The following PBX1 variants were observed in gnomAD, a reference collection of about 807,000 sequenced individuals.
The protein encoded by PBX1 is PBX homeobox 1, also known as pre-B-cell leukemia transcription factor 1.
Under a neutral mutation model 53.4 loss-of-function variants are expected in PBX1, and 6 were observed. That is an observed-to-expected ratio of 0.11 (90% CI 0.06 to 0.22). PBX1 has a LOEUF of 0.22. PBX1 is among the 10% of genes least tolerant of loss of function. The probability of loss-of-function intolerance (pLI) is 1.00; values close to 1 mark genes in which losing one functional copy is unlikely to be tolerated. For synonymous variants in PBX1, 204 were observed against 212.3 expected, an observed-to-expected ratio of 0.96 and a Z score of 0.34; for missense variants, 251 against 551.4, an observed-to-expected ratio of 0.46 and a Z score of 5.46.
intron 8 of PBX1, among the ~76,000 whole-genome samples, chr1:164,843,436 C>G (rs1032725892): frequency 6.6e-6 from 1 of 152,026 alleles, no homozygotes; most frequent in Admixed American, 6.6e-5. Context: ...GGGGTCTACT[C>G]GGATCTGAGA....
chr1:164,799,983 C>T lies in PBX1; in HGVS notation c.701+94C>T, dbSNP rs1172027303. The stretch of plus-strand genomic sequence containing the variant: ...CTGCCCCCTTCAGGCTCTAGTTTCA[C>T]CCCATCAACGCTGAACCAAGTGATA... On this transcript the variant is annotated intron_variant, in intron 4 of 8. Coordinates refer to ENST00000420696, the MANE Select transcript of PBX1 (RefSeq NM_002585.4). The T allele has an allele frequency of 1.1e-5, 13 of 1,195,142 alleles. No homozygotes were observed. In the South Asian group the frequency reaches 1.3e-4, roughly 12 times the overall value. 74.0% of individuals were successfully genotyped at this position (1,195,142 alleles called of 1,614,324 possible). A position where few individuals can be genotyped will look rare whatever the true frequency, so the allele number is the denominator to read the frequency against.
At chr1:164,698,875 C>G (rs1012090141) in intron 2 of PBX1, among the ~76,000 whole-genome samples, 1 of 152,202 alleles carries the variant, frequency 6.6e-6, no homozygotes, top group African/African-American at 2.4e-5. Flanking sequence ...CCACAACTGC[C>G]TCCATTTTAC....
intron 2 of PBX1, among the ~76,000 whole-genome samples, chr1:164,756,873 A>G (rs554461202): frequency 6.6e-6 from 1 of 152,350 alleles, no homozygotes; most frequent in African/African-American, 2.4e-5. Context: ...TACAATTCAA[A>G]CAGTTGTCAC....
intron 2 of PBX1, chr1:164,563,857 G>A (rs533989432): frequency 3.9e-5 from 6 of 152,388 alleles, no homozygotes; most frequent in Admixed American, 3.9e-4. Context: ...TTTTATTGCA[G>A]GGAGAATCGT....
chr1:164,634,725 C>G (rs1658632291), intron 2 of PBX1, among the ~76,000 whole-genome samples: 1 of 152,198 alleles, frequency 6.6e-6, no homozygotes, highest in Admixed American at 6.5e-5. Context: ...AAGGTCAGGA[C>G]TCCCTCGGAC....
intron 2 of PBX1, among the ~76,000 whole-genome samples, chr1:164,745,798 A>T (rs1665861505): frequency 6.6e-6 from 1 of 152,184 alleles, no homozygotes; most frequent in Admixed American, 6.6e-5. Context: ...AAGTCTCTTA[A>T]TTCTGCTGTG....
intron 2 of PBX1, among the ~76,000 whole-genome samples, chr1:164,617,535 G>T (rs1023956870): frequency 6.6e-6 from 1 of 152,206 alleles, no homozygotes; most frequent in Non-Finnish European, 1.5e-5. Context: ...TGCCAAGTAA[G>T]ATTGGGAGTT....
At chr1:164,798,763 A>T (rs1240145640) in intron 3 of PBX1, among the ~76,000 whole-genome samples, 3 of 152,200 alleles carry the variant, frequency 2.0e-5, no homozygotes, top group Admixed American at 2.0e-4. Context: ...CCTCTCAATC[A>T]TGTTTTGATG....
chr1:164,620,291 C>T lies in PBX1; in HGVS notation c.265+56980C>T, dbSNP rs188758354. On this transcript the variant is annotated intron_variant, in intron 2 of 8. Transcript: ENST00000420696. The stretch of plus-strand genomic sequence containing the variant: ...TATTTGAAGATCCAAAATAGCACAT[C>T]TGTTTTACTTATTCAAGCAGATTTC... Among the ~76,000 whole-genome samples, 167 of 152,238 alleles carry T rather than the reference C, an allele frequency of 1.1e-3. 2 individuals carry two copies. The highest frequency in any genetic ancestry group is 3.8e-3 in the African/African-American group (158 of 41,546).
At chr1:164,574,196 A>G (rs765040385) in intron 2 of PBX1, among the ~76,000 whole-genome samples, 2 of 152,090 alleles carry the variant, frequency 1.3e-5, no homozygotes, top group African/African-American at 4.8e-5. Flanking sequence ...CCTTAACAAA[A>G]TCTTAAGTGT....
At chr1:164,617,619 G>A (rs1657369450) in intron 2 of PBX1, among the ~76,000 whole-genome samples, 1 of 152,216 alleles carries the variant, frequency 6.6e-6, no homozygotes, top group African/African-American at 2.4e-5. Flanking sequence ...TCTCAGAGGG[G>A]TGTGTGTGGT....
chr1:164,735,460 G>C (rs1328672732), intron 2 of PBX1, among the ~76,000 whole-genome samples: 2 of 152,214 alleles, frequency 1.3e-5, no homozygotes, highest in African/African-American at 4.8e-5. Flanking sequence ...AAGCTGAAAA[G>C]AGAGCAATTG....
downstream of PBX1, among the ~76,000 whole-genome samples, chr1:164,853,634 A>G (rs932987761): frequency 3.3e-5 from 5 of 151,602 alleles, no homozygotes; most frequent in Non-Finnish European, 7.3e-5. Flanking sequence ...ACGTTCTCCA[A>G]ATGTTGTTTT....
At position 164,847,494 on chromosome 1, in the gene PBX1, C is replaced by T. The variant is rs1671633354; in HGVS notation, c.*818C>T. ...CACAGTCTTTGGAGACCATTCAGCA[C>T]TGAGAAAGCAATATTTAGAACCTAT... is the stretch of plus-strand genomic sequence containing the variant. On this transcript the variant is annotated 3_prime_UTR_variant, in exon 9 of 9. Transcript: ENST00000420696. 9.4e-7 allele frequency: 1 copy of T among 1,062,334 alleles called. No individual in the cohort carries two copies. The highest frequency in any genetic ancestry group is 1.1e-6 in the Non-Finnish European group (1 of 877,338). 65.8% of individuals were successfully genotyped at this position (1,062,334 alleles called of 1,614,324 possible). A position where few individuals can be genotyped will look rare whatever the true frequency, so the allele number is the denominator to read the frequency against.
intron 2 of PBX1, chr1:164,884,424 G>A (rs1383576031): frequency 2.9e-5 from 9 of 313,286 alleles, no homozygotes; most frequent in South Asian, 1.6e-4. Flanking sequence ...GAGGGTGGGC[G>A]AAAGAAATAA....
Position 164,851,504 on chromosome 1 carries a change from A to G in PBX1, c.*4828A>G. 1 of 189,536 alleles carries G rather than the reference A, an allele frequency of 5.3e-6. No individual in the cohort carries two copies. The highest frequency in any genetic ancestry group is 8.4e-5 in the East Asian group (1 of 11,942). 11.7% of individuals were successfully genotyped at this position (189,536 alleles called of 1,614,324 possible). On this transcript the variant is annotated 3_prime_UTR_variant, in exon 9 of 9. Coordinates refer to ENST00000420696, the MANE Select transcript of PBX1 (RefSeq NM_002585.4). ...TTTTGTTAAAATAAATAAAACATTC[A>G]ATGTTTTTCTCCTTTTCTCTCTTAT...
intron 2 of PBX1, among the ~76,000 whole-genome samples, chr1:164,737,852 C>G (rs77339067): frequency 1.1e-4 from 16 of 152,070 alleles, no homozygotes; most frequent in Admixed American, 5.9e-4. Flanking sequence ...CCCATCACAC[C>G]GAAAGGTCTC....
At chr1:164,846,453 C>T in intron 8 of PBX1, 131 bp from the exon 9 acceptor site, 1 of 770,960 alleles carries the variant, frequency 1.3e-6, no homozygotes, top group Non-Finnish European at 2.3e-6. Flanking sequence ...TAATAGTTGC[C>T]CATTTGATGA....
intron 2 of PBX1, among the ~76,000 whole-genome samples, chr1:164,709,436 T>C (rs941117440): frequency 3.3e-5 from 5 of 152,104 alleles, no homozygotes; most frequent in African/African-American, 1.2e-4. Flanking sequence ...CACTTTAAGT[T>C]GAATAAACAA....
Sources: allele counts gnomAD v4.1 joint callset (sites outside exome capture counted in the v4.1 genomes callset), GRCh38; gene constraint gnomAD v4.1.1; transcripts MANE v1.5; gene names NCBI Gene and HGNC (gene_info 2026-07-23, HGNC 2026-07-21).